Variants in CSMD2 observed in about 807,000 individuals in gnomAD.
CSMD2 encodes CUB and sushi domain-containing protein 2.
A neutral mutation model predicts 398.5 loss-of-function variants in CSMD2; 130 were observed. The observed-to-expected ratio is 0.33, with a 90% CI of 0.28 to 0.38. The LOEUF is 0.38. CSMD2 is among the 10% of genes least tolerant of loss of function. The pLI is 1.00. For missense variants in CSMD2, 3,829 were observed against 4,764.9 expected, an observed-to-expected ratio of 0.80 and a Z score of 5.78; for synonymous variants, 1,828 against 1,908.5, an observed-to-expected ratio of 0.96 and a Z score of 1.10.
intron 66 of CSMD2, 152 bp from the exon 67 acceptor site, chr1:33,523,571 G>A (rs1341626535): frequency 5.1e-6 from 3 of 585,302 alleles, no homozygotes; most frequent in Non-Finnish European, 9.1e-6. Flanking sequence ...CGTAAGTGTA[G>A]TGTTGAGTGT....
Position 33,743,280 on chromosome 1 carries a change from T to C in CSMD2, c.2173A>G (p.Thr725Ala), listed in dbSNP as rs1477628363. The stretch of plus-strand genomic sequence containing the variant: ...AGCTGGTGACAGAGGGAGGACTCAC[T>C]GGTAAAAGTGATGTTGAAGCCCCTC... ...GKRGFNITFT[T>A]FRHNECPDPG... is the part of the protein sequence containing the mutation. Residue 725 changes from threonine to alanine, a missense_variant and splice_region_variant, in exon 14 of 71, where the codon ACC (threonine) becomes GCC (alanine). Thr to Ala is a moderately conservative substitution (Grantham distance 58). Coordinates refer to ENST00000373381, the MANE Select transcript of CSMD2 (RefSeq NM_001281956.2). The C allele has an allele frequency of 1.3e-6, 2 of 1,594,154 alleles. No homozygotes were observed. Among genetic ancestry groups the C allele is most frequent in the Non-Finnish European group, 1.7e-6 (2 of 1,167,898 alleles).
chr1:33,858,037 G>C (rs1253554498), intron 5 of CSMD2, among the ~76,000 whole-genome samples: 2 of 152,170 alleles, frequency 1.3e-5, no homozygotes, highest in African/African-American at 4.8e-5. Context: ...ATCCCATTCT[G>C]TGTCTAATCA....
At position 33,802,603 on chromosome 1, in the gene CSMD2, C is replaced by T. The variant is rs72663908; in HGVS notation, c.1446+8140G>A. ...TGGAATTACAGGAAGGATCCTCCTG[C>T]GTAGGTGTCAGGGATGCATCATAAT... On this transcript the variant is annotated intron_variant, in intron 10 of 70. Transcript: ENST00000373381. Among the ~76,000 whole-genome samples the T allele has an allele frequency of 2.5e-3, 375 of 152,278 alleles. 1 individual carries two copies. Among genetic ancestry groups the T allele is most frequent in the Non-Finnish European group, 3.7e-3 (253 of 68,012 alleles).
intron 12 of CSMD2, among the ~76,000 whole-genome samples, chr1:33,776,632 T>C (rs934726645): frequency 3.9e-5 from 6 of 152,100 alleles, no homozygotes; most frequent in Admixed American, 1.3e-4. Context: ...CCAGCAGCCC[T>C]TGGCCACTCA....
intron 13 of CSMD2, among the ~76,000 whole-genome samples, chr1:33,762,167 G>C (rs750150217): frequency 2.0e-5 from 3 of 152,196 alleles, no homozygotes; most frequent in Non-Finnish European, 2.9e-5. Context: ...CAAGTAAGAT[G>C]ACAAATTCAC....
At chr1:33,829,998 C>T (rs1659321869) in intron 6 of CSMD2, among the ~76,000 whole-genome samples, 1 of 152,246 alleles carries the variant, frequency 6.6e-6, no homozygotes, top group African/African-American at 2.4e-5. Flanking sequence ...GTAAACAAAG[C>T]AGCTGGGAAG....
intron 37 of CSMD2, among the ~76,000 whole-genome samples, chr1:33,619,483 G>T (rs1308565358): frequency 6.6e-6 from 1 of 152,244 alleles, no homozygotes. Context: ...ATTCAGAGAT[G>T]AGACTCTGAT....
chr1:33,998,429 C>T (rs1054537966), intron 3 of CSMD2, among the ~76,000 whole-genome samples: 9 of 152,226 alleles, frequency 5.9e-5, no homozygotes, highest in African/African-American at 1.7e-4. Context: ...CTCCAGCTCA[C>T]GTACATGCAA....
intron 9 of CSMD2, 133 bp downstream of exon 9, chr1:33,819,580 T>C: frequency 9.7e-6 from 7 of 723,322 alleles, no homozygotes; most frequent in Non-Finnish European, 1.6e-5. Context: ...TATTGGTAAA[T>C]AAGTGCAGGG....
rs144345051 is a variant in CSMD2, at chr1:33,943,289, G to A, written c.518-7335C>T. On this transcript the variant is annotated intron_variant, in intron 3 of 70. Coordinates refer to ENST00000373381, the MANE Select transcript of CSMD2 (RefSeq NM_001281956.2). ...TCCTTGTGATCTGACTGTTGCTGAC[G>A]TTTTTTCTGCCTTCTCTCATCTTGT... Among the ~76,000 whole-genome samples the A allele has an allele frequency of 3.2e-3, 494 of 152,328 alleles. 3 individuals carry two copies. The highest frequency in any genetic ancestry group is 0.011 in the African/African-American group (453 of 41,562).
chr1:34,092,571 C>A (rs910029059), intron 1 of CSMD2, among the ~76,000 whole-genome samples: 1 of 152,192 alleles, frequency 6.6e-6, no homozygotes, highest in African/African-American at 2.4e-5. Flanking sequence ...CGAGCCGAAG[C>A]AGGGCGAGGC....
chr1:33,577,190 T>A (rs1638325189), intron 49 of CSMD2, 106 bp downstream of exon 49: 7 of 1,039,570 alleles, frequency 6.7e-6, no homozygotes, highest in Non-Finnish European at 9.8e-6. Flanking sequence ...AATGAAATAA[T>A]TATCAAAGAG....
At chr1:33,853,344 C>T (rs1490580515) in intron 5 of CSMD2, among the ~76,000 whole-genome samples, 1 of 152,246 alleles carries the variant, frequency 6.6e-6, no homozygotes, top group Non-Finnish European at 1.5e-5. Context: ...TCCCATCCCC[C>T]TCCCCTCATG....
In CSMD2 at chr1:33,704,204, G is replaced by C. The variant is rs112617880; in HGVS notation, c.3577-3531C>G. Among the ~76,000 whole-genome samples, 56 of 152,094 alleles carry C rather than the reference G, an allele frequency of 3.7e-4. 5 individuals are homozygous for C. Among genetic ancestry groups the C allele is most frequent in the African/African-American group, 1.3e-3 (54 of 41,524 alleles). ...GTTATAGAAACACCAGAAGCTTTGT[G>C]AATTTTCTTATTGATTTTGAGTTTA... On this transcript the variant is annotated intron_variant, in intron 22 of 70. Coordinates refer to ENST00000373381, the MANE Select transcript of CSMD2 (RefSeq NM_001281956.2).
intron 1 of CSMD2, among the ~76,000 whole-genome samples, chr1:34,140,060 C>T (rs1038800222): frequency 2.0e-5 from 3 of 152,154 alleles, no homozygotes; most frequent in African/African-American, 7.2e-5. Flanking sequence ...GGCAAAGTCC[C>T]TGACCTCCTG....
intron 6 of CSMD2, among the ~76,000 whole-genome samples, chr1:33,833,649 C>A (rs1174377242): frequency 4.0e-5 from 6 of 149,404 alleles, no homozygotes; most frequent in Non-Finnish European, 7.4e-5. Flanking sequence ...AAGTTCTGGC[C>A]AGGGCAATCA....
At chr1:33,723,047 C>G (rs942545015) in intron 19 of CSMD2, among the ~76,000 whole-genome samples, 5 of 152,212 alleles carry the variant, frequency 3.3e-5, no homozygotes, top group Non-Finnish European at 5.9e-5. Flanking sequence ...CACACGTACA[C>G]AGGCATGTGT....
chr1:33,820,573 A>G lies in CSMD2; in HGVS notation c.1112-17T>C. 1.7e-6 allele frequency: 2 copies of G among 1,147,076 alleles called. No homozygotes were observed. Among genetic ancestry groups the G allele is most frequent in the Non-Finnish European group, 2.6e-6 (2 of 782,592 alleles). 71.1% of individuals were successfully genotyped at this position (1,147,076 alleles called of 1,614,324 possible). ...CCTGAGTTACTACAAGGCAAAAAAA[A>G]AAAAAAAAAAAAAAACAGCACACAC... On this transcript the variant is annotated splice_polypyrimidine_tract_variant and intron_variant, in intron 7 of 70. Coordinates refer to ENST00000373381, the MANE Select transcript of CSMD2 (RefSeq NM_001281956.2).
At chr1:33,856,139 AATGTG>A (rs1454104578) in intron 5 of CSMD2, among the ~76,000 whole-genome samples, 1 of 152,158 alleles carries the variant, frequency 6.6e-6, no homozygotes, top group African/African-American at 2.4e-5. Flanking sequence ...GTGCCTCACA[AATGTG>A]AACTATTTTC....
Sources: gnomAD v4.1 joint callset for allele counts (sites outside exome capture counted in the v4.1 genomes callset) on GRCh38, gnomAD v4.1.1 for gene constraint, MANE v1.5 for transcripts, NCBI Gene and HGNC (gene_info 2026-07-23, HGNC 2026-07-21) for gene names.